Variants in MALRD1 observed in about 807,000 individuals in gnomAD.
The protein encoded by MALRD1 is MAM and LDL-receptor class A domain-containing protein 1.
A neutral mutation model predicts 242.1 loss-of-function variants in MALRD1; 247 were observed. The ratio of observed to expected loss-of-function variants is 1.02; its 90% CI spans 0.92 to 1.13. The LOEUF (loss-of-function observed/expected upper bound fraction) is 1.13, where lower values mean the gene tolerates loss of function less well. Ranked by LOEUF, MALRD1 falls within the 50% of genes most tolerant of loss-of-function variation. The probability of loss-of-function intolerance (pLI) is 0.00; values close to 1 mark genes in which losing one functional copy is unlikely to be tolerated. For missense variants in MALRD1, 2,989 were observed against 2,533.1 expected (o/e 1.18, Z -3.86); for synonymous variants, 995 against 866.6 (o/e 1.15, Z -2.60).
At chr10:19,078,337 T>G (rs987393497) in intron 2 of MALRD1, among the ~76,000 whole-genome samples, 15 of 151,736 alleles carry the variant, frequency 9.9e-5, no homozygotes, top group African/African-American at 3.4e-4. Flanking sequence ...TGTTCTTTAC[T>G]TGATCAATAT....
intron 31 of MALRD1, among the ~76,000 whole-genome samples, chr10:19,501,126 G>C (rs1034653902): frequency 6.6e-6 from 1 of 152,108 alleles, no homozygotes; most frequent in Admixed American, 6.5e-5. Flanking sequence ...CATTCAACAA[G>C]AGACCTGAAG....
At chr10:19,652,207 G>T (rs574395111) in intron 36 of MALRD1, among the ~76,000 whole-genome samples, 1 of 152,248 alleles carries the variant, frequency 6.6e-6, no homozygotes, top group Non-Finnish European at 1.5e-5. Flanking sequence ...GCAAGTGTCA[G>T]GTGTGTCCAA....
chr10:19,177,561 A>G (rs2131548786), intron 14 of MALRD1, among the ~76,000 whole-genome samples: 1 of 152,234 alleles, frequency 6.6e-6, no homozygotes, highest in Non-Finnish European at 1.5e-5. Context: ...AAGCATAACA[A>G]ATTTGTTTAT....
At chr10:19,108,847 G>C (rs75994757) in intron 5 of MALRD1, among the ~76,000 whole-genome samples, 4 of 152,098 alleles carry the variant, frequency 2.6e-5, no homozygotes, top group Admixed American at 6.5e-5. Context: ...GTACTGGAGA[G>C]TTATTGTGTT....
chr10:19,314,615 G>A (rs1271347472), intron 21 of MALRD1, among the ~76,000 whole-genome samples: 1 of 151,624 alleles, frequency 6.6e-6, no homozygotes, highest in African/African-American at 2.4e-5. Context: ...CTGTAGAACA[G>A]CAGTGAGCAA....
intron 38 of MALRD1, among the ~76,000 whole-genome samples, chr10:19,695,458 G>T (rs1024140266): frequency 4.6e-5 from 7 of 151,616 alleles, no homozygotes; most frequent in Non-Finnish European, 8.8e-5. Context: ...GTTTCATATG[G>T]CTGGGGAGGC....
chr10:19,315,951 C>G (rs1046630071), intron 21 of MALRD1, among the ~76,000 whole-genome samples: 4 of 149,184 alleles, frequency 2.7e-5, no homozygotes, highest in Non-Finnish European at 4.5e-5. Flanking sequence ...ATTCATATAC[C>G]TATGAATTTA....
At chr10:19,408,989 T>A (rs1444572303) in intron 28 of MALRD1, among the ~76,000 whole-genome samples, 1 of 152,234 alleles carries the variant, frequency 6.6e-6, no homozygotes, top group Non-Finnish European at 1.5e-5. Flanking sequence ...TGAATACCTG[T>A]ACACAGATGT....
intron 29 of MALRD1, among the ~76,000 whole-genome samples, chr10:19,462,513 G>GAT: frequency 6.6e-6 from 1 of 152,206 alleles, no homozygotes; most frequent in Non-Finnish European, 1.5e-5. Flanking sequence ...CAGGTTCTGT[G>GAT]AGTATAAAAA....
chr10:19,529,543 AG>A (rs372769420), intron 31 of MALRD1, among the ~76,000 whole-genome samples: 1 of 35,202 alleles, frequency 2.8e-5, no homozygotes, highest in African/African-American at 1.1e-4. Flanking sequence ...AGAAAAAAAC[AG>A]GAGGGGGGGG....
intron 2 of MALRD1, 32 bp from the exon 3 acceptor site, chr10:19,087,808 T>G (rs944668880): frequency 1.7e-6 from 2 of 1,157,736 alleles, no homozygotes; most frequent in Non-Finnish European, 2.2e-6. Context: ...CTTTCTGGTT[T>G]TTTTTTGTAC....
chr10:19,463,845 T>C (rs1836074655), intron 29 of MALRD1, among the ~76,000 whole-genome samples: 1 of 152,166 alleles, frequency 6.6e-6, no homozygotes, highest in South Asian at 2.1e-4. Context: ...AGTGTAAAAG[T>C]GTTCCCTTTG....
At chr10:19,062,322 T>C (rs1008700944) in intron 1 of MALRD1, among the ~76,000 whole-genome samples, 3 of 152,226 alleles carry the variant, frequency 2.0e-5, no homozygotes, top group African/African-American at 7.2e-5. Flanking sequence ...ACTCATGCTT[T>C]TCTGGTGGGA....
intron 32 of MALRD1, among the ~76,000 whole-genome samples, chr10:19,539,733 C>G (rs1834851859): frequency 6.6e-6 from 1 of 151,784 alleles, no homozygotes; most frequent in Non-Finnish European, 1.5e-5. Context: ...GTCACCCAGG[C>G]TGGAGTGCAG....
chr10:19,360,759 T>C (rs953750717), intron 26 of MALRD1, among the ~76,000 whole-genome samples: 2 of 152,116 alleles, frequency 1.3e-5, no homozygotes, highest in African/African-American at 4.8e-5. Flanking sequence ...AGTGCATCAA[T>C]TTAAAAATGC....
intron 29 of MALRD1, among the ~76,000 whole-genome samples, chr10:19,468,554 A>T (rs1836340605): frequency 6.6e-6 from 1 of 152,202 alleles, no homozygotes; most frequent in Admixed American, 6.5e-5. Context: ...ATCTGGGAAT[A>T]TATTAAATAT....
At chr10:19,616,146 T>C (rs1839146103) in intron 36 of MALRD1, among the ~76,000 whole-genome samples, 1 of 152,030 alleles carries the variant, frequency 6.6e-6, no homozygotes, top group South Asian at 2.1e-4. Context: ...TTTTTCAACA[T>C]TTTATATGTG....
intron 29 of MALRD1, among the ~76,000 whole-genome samples, chr10:19,478,475 T>C (rs529126139): frequency 1.2e-4 from 18 of 152,126 alleles, no homozygotes; most frequent in African/African-American, 4.1e-4. Flanking sequence ...ACACAACGTA[T>C]CTCATCAATC....
At chr10:19,049,585 T>C (rs900112680) in intron 1 of MALRD1, among the ~76,000 whole-genome samples, 1 of 152,184 alleles carries the variant, frequency 6.6e-6, no homozygotes, top group Non-Finnish European at 1.5e-5. Context: ...ATCAAGTGGG[T>C]TGGTACCAAT....
Sources: gnomAD v4.1 joint callset for allele counts (sites outside exome capture counted in the v4.1 genomes callset) on GRCh38, gnomAD v4.1.1 for gene constraint, MANE v1.5 for transcripts, NCBI Gene and HGNC (gene_info 2026-07-23, HGNC 2026-07-21) for gene names.